The following ZBTB20 variants were observed in gnomAD, a reference collection of about 807,000 sequenced individuals.
ZBTB20 encodes the protein zinc finger and BTB domain containing 20, also known as zinc finger and BTB domain-containing protein 20.
In ZBTB20, 9 loss-of-function variants were observed where a neutral mutation model predicts 56.9. The ratio of observed to expected loss-of-function variants is 0.16; its 90% CI spans 0.10 to 0.28. ZBTB20 has a LOEUF of 0.28. Among genes scored for constraint, ZBTB20 ranks in the 10% least tolerant of loss-of-function variants. ZBTB20 has a pLI of 1.00. For synonymous variants in ZBTB20, 417 were observed against 420.7 expected, an observed-to-expected ratio of 0.99 and a Z score of 0.11; for missense variants, 655 against 1,003.0, an observed-to-expected ratio of 0.65 and a Z score of 4.69.
At chr3:114,408,231 C>A (rs1028071497) in intron 7 of ZBTB20, among the ~76,000 whole-genome samples, 3 of 152,144 alleles carry the variant, frequency 2.0e-5, no homozygotes, top group African/African-American at 7.2e-5. Context: ...ACTGAGTTTG[C>A]TTGTTATGGA....
At position 114,429,000 on chromosome 3, in the gene ZBTB20, A is replaced by ATAC. The variant is rs1420205607; in HGVS notation, c.-254-39896_-254-39895insGTA. 1.2e-4 allele frequency among the ~76,000 whole-genome samples: 19 copies of ATAC among 152,174 alleles called. 1 individual carries two copies. The East Asian group carries it at 3.7e-3, about 29-fold the overall frequency. ...TTTAAACAATTATACATATATATACAAAAAAAGATACAGGGGGAGAGATCT... is the reference window on the plus strand; with the variant it reads ...TTTAAACAATTATACATATATATACATACAAAAAAGATACAGGGGGAGAGATCT... On this transcript the variant is annotated intron_variant, in intron 7 of 11. Coordinates refer to ENST00000675478, the MANE Select transcript of ZBTB20 (RefSeq NM_001348800.3).
At chr3:114,713,846 G>A (rs1560159745) in intron 5 of ZBTB20, 1 of 152,512 alleles carries the variant, frequency 6.6e-6, no homozygotes, top group Non-Finnish European at 1.5e-5. Flanking sequence ...TCTATTTGAT[G>A]TGTCCATTTT....
At position 114,531,943 on chromosome 3, in the gene ZBTB20, G is replaced by A. The variant is rs941882205; in HGVS notation, c.-294-31552C>T. Among the ~76,000 whole-genome samples, 7 of 152,156 alleles carry A rather than the reference G, an allele frequency of 4.6e-5. No homozygotes were observed. In the East Asian group the frequency reaches 9.6e-4, roughly 21 times the overall value. ...CGCGAGGGACTGTGCCATGAGGTTC[G>A]GTGTATTCCAGCCCAGATACTATGC... On this transcript the variant is annotated intron_variant, in intron 6 of 11. Coordinates refer to ENST00000675478, the MANE Select transcript of ZBTB20 (RefSeq NM_001348800.3).
chr3:114,989,693 A>G (rs1014277278), intron 2 of ZBTB20, among the ~76,000 whole-genome samples: 5 of 152,194 alleles, frequency 3.3e-5, no homozygotes, highest in Non-Finnish European at 7.3e-5. Flanking sequence ...TACGCAGGAC[A>G]GTATGGCCAT....
At chr3:114,347,437 T>C (rs1352332532) in intron 11 of ZBTB20, among the ~76,000 whole-genome samples, 1 of 152,210 alleles carries the variant, frequency 6.6e-6, no homozygotes, top group Non-Finnish European at 1.5e-5. Context: ...CTTACAAGTA[T>C]CCCCGTGCTT....
intron 6 of ZBTB20, among the ~76,000 whole-genome samples, chr3:114,564,966 G>C (rs1037497745): frequency 5.3e-5 from 8 of 152,064 alleles, no homozygotes; most frequent in Admixed American, 1.3e-4. Flanking sequence ...ATATCTGCTT[G>C]CCTGACCTAC....
At chr3:114,626,930 A>G (rs910289264) in intron 6 of ZBTB20, among the ~76,000 whole-genome samples, 1 of 152,188 alleles carries the variant, frequency 6.6e-6, no homozygotes, top group Non-Finnish European at 1.5e-5. Context: ...GTGTAACACA[A>G]TTCCGGATGT....
At chr3:114,410,471 T>C (rs942190743) in intron 7 of ZBTB20, among the ~76,000 whole-genome samples, 2 of 152,258 alleles carry the variant, frequency 1.3e-5, no homozygotes, top group Admixed American at 6.5e-5. Flanking sequence ...GCACGGTGGC[T>C]GTAGAAGAAT....
intron 6 of ZBTB20, among the ~76,000 whole-genome samples, chr3:114,660,796 A>G (rs1204988458): frequency 6.6e-6 from 1 of 152,150 alleles, no homozygotes; most frequent in Non-Finnish European, 1.5e-5. Flanking sequence ...CCCTCTTCTT[A>G]CCTAATTGCA....
intron 2 of ZBTB20, among the ~76,000 whole-genome samples, chr3:115,028,710 T>C (rs548772734): frequency 1.3e-5 from 2 of 150,558 alleles, no homozygotes; most frequent in Non-Finnish European, 3.0e-5. Flanking sequence ...ATATGATAAA[T>C]TTATATAAGT....
At chr3:114,505,084 T>C (rs1013057726) in intron 6 of ZBTB20, among the ~76,000 whole-genome samples, 12 of 152,156 alleles carry the variant, frequency 7.9e-5, no homozygotes, top group African/African-American at 2.9e-4. Flanking sequence ...TTCACAGTGG[T>C]AAGCGAAAGC....
At chr3:114,566,950 A>T (rs960867506) in intron 6 of ZBTB20, among the ~76,000 whole-genome samples, 1 of 152,184 alleles carries the variant, frequency 6.6e-6, no homozygotes, top group African/African-American at 2.4e-5. Flanking sequence ...GATGTGATCT[A>T]TTCCAGTAGG....
chr3:114,699,275 A>T (rs2063245578), intron 5 of ZBTB20, among the ~76,000 whole-genome samples: 1 of 152,148 alleles, frequency 6.6e-6, no homozygotes, highest in Admixed American at 6.6e-5. Flanking sequence ...TATCAACGTA[A>T]TTCATCTTTT....
intron 5 of ZBTB20, among the ~76,000 whole-genome samples, chr3:114,746,370 GT>G (rs2067044849): frequency 1.3e-5 from 2 of 151,556 alleles, no homozygotes; most frequent in South Asian, 4.2e-4. Flanking sequence ...TTGTTTGTTT[GT>G]TTTTTGTTTT....
At chr3:114,744,297 C>T (rs892503899) in intron 5 of ZBTB20, among the ~76,000 whole-genome samples, 2 of 152,108 alleles carry the variant, frequency 1.3e-5, no homozygotes, top group African/African-American at 4.8e-5. Flanking sequence ...TATTCCTCTT[C>T]CTCACCTCAC....
chr3:114,830,778 A>G (rs988601620), intron 4 of ZBTB20, among the ~76,000 whole-genome samples: 1 of 152,012 alleles, frequency 6.6e-6, no homozygotes, highest in East Asian at 1.9e-4. Context: ...ATTTTACAAT[A>G]TAATTTCAGA....
chr3:115,051,675 T>C (rs1470873659), intron 2 of ZBTB20, among the ~76,000 whole-genome samples: 3 of 152,192 alleles, frequency 2.0e-5, no homozygotes, highest in Non-Finnish European at 4.4e-5. Context: ...CCGTGTTTTG[T>C]AAGACAAATT....
intron 4 of ZBTB20, among the ~76,000 whole-genome samples, chr3:114,814,109 T>C (rs1338992168): frequency 1.3e-5 from 2 of 151,818 alleles, no homozygotes; most frequent in Non-Finnish European, 2.9e-5. Flanking sequence ...CTTTAAAATA[T>C]ATAATCAGAG....
intron 6 of ZBTB20, among the ~76,000 whole-genome samples, chr3:114,646,058 A>C (rs1220547087): frequency 2.7e-5 from 4 of 149,142 alleles, no homozygotes; most frequent in Non-Finnish European, 5.9e-5. Context: ...GGCCTTAGTC[A>C]TTTACTGAGT....
Sources: allele counts gnomAD v4.1 joint callset (sites outside exome capture counted in the v4.1 genomes callset), GRCh38; gene constraint gnomAD v4.1.1; transcripts MANE v1.5; gene names NCBI Gene and HGNC (gene_info 2026-07-23, HGNC 2026-07-21).